Variants in ESR1 observed in about 807,000 individuals in gnomAD.
ESR1 encodes the protein estrogen receptor.
A neutral mutation model predicts 52.7 loss-of-function variants in ESR1; 12 were observed. That is an observed-to-expected ratio of 0.23 (90% CI 0.15 to 0.37). The LOEUF (loss-of-function observed/expected upper bound fraction) is 0.37. Ranked by LOEUF, ESR1 falls within the 10% of genes least tolerant of loss-of-function variation. ESR1 has a pLI of 1.00. For synonymous variants in ESR1, 305 were observed against 316.8 expected (o/e 0.96, Z 0.39); for missense variants, 584 against 779.7 (o/e 0.75, Z 2.99).
At chr6:151,748,319 T>C (rs1783637248) in intron 2 of ESR1, among the ~76,000 whole-genome samples, 1 of 152,228 alleles carries the variant, frequency 6.6e-6, no homozygotes, top group Non-Finnish European at 1.5e-5. Flanking sequence ...TATCCCTAGA[T>C]ATGTATTTGC....
intron 4 of ESR1, among the ~76,000 whole-genome samples, chr6:151,963,181 AC>A (rs1204676699): frequency 6.6e-6 from 1 of 152,120 alleles, no homozygotes; most frequent in African/African-American, 2.4e-5. Context: ...ACCATAACGA[AC>A]TAAAAATGTT....
intron 2 of ESR1, among the ~76,000 whole-genome samples, chr6:151,763,839 A>G (rs886406467): frequency 5.9e-5 from 9 of 152,164 alleles, no homozygotes; most frequent in Admixed American, 2.6e-4. Flanking sequence ...AAACTTGGGA[A>G]CTGGACAGAG....
chr6:151,924,393 G>A (rs547312843), intron 3 of ESR1, among the ~76,000 whole-genome samples: 13 of 150,824 alleles, frequency 8.6e-5, no homozygotes, highest in African/African-American at 3.2e-4. Context: ...TACTTTTTTT[G>A]CCAACTGTAT....
intron 1 of ESR1, among the ~76,000 whole-genome samples, chr6:151,700,668 C>CTTT (rs34905961): frequency 2.6e-4 from 31 of 117,186 alleles, no homozygotes; most frequent in African/African-American, 5.9e-4. Flanking sequence ...TTAAACTTTC[C>CTTT]TTTTTTTTTT....
At chr6:152,005,177 T>TAAACCAGAATGTTTA (rs2042238630) in intron 4 of ESR1, among the ~76,000 whole-genome samples, 1 of 152,002 alleles carries the variant, frequency 6.6e-6, no homozygotes. Context: ...TGAAGACAGC[T>TAAACCAGAATGTTTA]GCATTCTGGA....
chr6:152,029,936 G>A lies in ESR1; in HGVS notation c.1235+18142G>A, dbSNP rs558534269. On this transcript the variant is annotated intron_variant, in intron 5 of 7. Transcript: ENST00000206249. ...AAGGGAAGCCCATCAGACTAACAGC[G>A]GATCTCTTGGCAGAAACTCTACAAG... Among the ~76,000 whole-genome samples, 14 of 152,294 alleles carry A rather than the reference G, an allele frequency of 9.2e-5. No homozygotes were observed. The South Asian group carries it at 1.9e-3, about 20-fold the overall frequency.
chr6:151,875,336 A>T (rs868178475), intron 2 of ESR1, among the ~76,000 whole-genome samples: 7 of 152,088 alleles, frequency 4.6e-5, no homozygotes, highest in Middle Eastern at 3.4e-3. Flanking sequence ...TCACCTTCCC[A>T]CTCATTACTT....
At chr6:151,964,351 T>A (rs2038013548) in intron 4 of ESR1, among the ~76,000 whole-genome samples, 1 of 152,172 alleles carries the variant, frequency 6.6e-6, no homozygotes, top group Admixed American at 6.5e-5. Flanking sequence ...ATTTCTTTTA[T>A]CTGTGTTCTG....
At chr6:152,023,668 A>T (rs2043878799) in intron 5 of ESR1, among the ~76,000 whole-genome samples, 1 of 152,228 alleles carries the variant, frequency 6.6e-6, no homozygotes. Context: ...TATATTAGAC[A>T]TTAGGTCATT....
At chr6:151,915,219 A>C (rs902730369) in intron 3 of ESR1, among the ~76,000 whole-genome samples, 1 of 151,966 alleles carries the variant, frequency 6.6e-6, no homozygotes, top group African/African-American at 2.4e-5. Context: ...GAAATGAAAA[A>C]CAAAAAAGAG....
chr6:152,040,926 A>T (rs2045738756), intron 5 of ESR1, among the ~76,000 whole-genome samples: 1 of 152,118 alleles, frequency 6.6e-6, no homozygotes, highest in East Asian at 1.9e-4. Flanking sequence ...CTTGAGCCTG[A>T]TCATGTATAT....
chr6:151,768,965 G>C (rs184906719), intron 2 of ESR1, among the ~76,000 whole-genome samples: 48 of 152,142 alleles, frequency 3.2e-4, no homozygotes, highest in African/African-American at 1.1e-3. Context: ...TAACTTCCTG[G>C]GCTATGTAGA....
intron 4 of ESR1, among the ~76,000 whole-genome samples, chr6:151,979,455 T>C (rs1010256848): frequency 1.3e-5 from 2 of 152,184 alleles, no homozygotes; most frequent in Admixed American, 6.5e-5. Context: ...TGATATGTTT[T>C]TTAAAACTCA....
intron 4 of ESR1, among the ~76,000 whole-genome samples, chr6:151,956,029 C>T (rs2036870510): frequency 2.0e-5 from 3 of 152,268 alleles, no homozygotes; most frequent in South Asian, 4.1e-4. Flanking sequence ...CAATTCCATC[C>T]ATGTTCCTGA....
chr6:151,897,682 A>G (rs1795759349), intron 3 of ESR1, among the ~76,000 whole-genome samples: 1 of 152,154 alleles, frequency 6.6e-6, no homozygotes, highest in Non-Finnish European at 1.5e-5. Context: ...ATTTAAATTC[A>G]ATGTTAGTAT....
chr6:151,718,371 A>T (rs1781209323), intron 2 of ESR1, among the ~76,000 whole-genome samples: 1 of 152,232 alleles, frequency 6.6e-6, no homozygotes, highest in African/African-American at 2.4e-5. Context: ...ACAGGCACAG[A>T]GACTAACATT....
intron 2 of ESR1, among the ~76,000 whole-genome samples, chr6:151,877,758 G>T (rs544446437): frequency 6.6e-5 from 10 of 151,970 alleles, no homozygotes; most frequent in Admixed American, 5.2e-4. Flanking sequence ...TGGTTTGAAT[G>T]GTTATTGACT....
intron 4 of ESR1, among the ~76,000 whole-genome samples, chr6:151,998,623 C>A (rs1204088417): frequency 6.6e-6 from 1 of 152,034 alleles, no homozygotes; most frequent in African/African-American, 2.4e-5. Context: ...TTACATTTTC[C>A]TGAAAGCATG....
intron 2 of ESR1, among the ~76,000 whole-genome samples, chr6:151,718,884 C>T (rs1781249596): frequency 6.6e-6 from 1 of 151,944 alleles, no homozygotes; most frequent in South Asian, 2.1e-4. Flanking sequence ...CTCCCCTCTT[C>T]TCTCTTATCT....
Sources: allele counts gnomAD v4.1 joint callset (sites outside exome capture counted in the v4.1 genomes callset), GRCh38; gene constraint gnomAD v4.1.1; transcripts MANE v1.5; gene names NCBI Gene and HGNC (gene_info 2026-07-23, HGNC 2026-07-21).